AP1G1: variants seen among roughly 807,000 people sequenced by gnomAD.
AP1G1 encodes the protein adaptor related protein complex 1 subunit gamma 1, also known as AP-1 complex subunit gamma-1.
In AP1G1, 7 loss-of-function variants were observed where a neutral mutation model predicts 108.3. The ratio of observed to expected loss-of-function variants is 0.06; its 90% CI spans 0.04 to 0.12. AP1G1 has a LOEUF of 0.12. Among genes scored for constraint, AP1G1 ranks in the 10% least tolerant of loss-of-function variants. AP1G1 has a pLI of 1.00. For missense variants in AP1G1, 756 were observed against 1,010.7 expected, an observed-to-expected ratio of 0.75 and a Z score of 3.42; for synonymous variants, 379 against 353.5, an observed-to-expected ratio of 1.07 and a Z score of -0.81.
intron 2 of AP1G1, 52 bp from the exon 3 acceptor site, chr16:71,774,644 C>A (rs1346117977): frequency 6.5e-7 from 1 of 1,529,486 alleles, no homozygotes; most frequent in Non-Finnish European, 8.7e-7. Flanking sequence ...CTACCACAAT[C>A]TAGAAAAGCA....
chr16:71,777,106 CAAAAAAAAAAAA>C (rs57955419), intron 2 of AP1G1, among the ~76,000 whole-genome samples: 30 of 48,066 alleles, frequency 6.2e-4, no homozygotes, highest in East Asian at 3.4e-3. Flanking sequence ...CAAACTGTTA[CAAAAAAAAAAAA>C]AAAAAAAAAA....
chr16:71,780,201 C>T (rs1225614786), intron 2 of AP1G1, among the ~76,000 whole-genome samples: 1 of 151,892 alleles, frequency 6.6e-6, no homozygotes, highest in Non-Finnish European at 1.5e-5. Flanking sequence ...GCCATGTTGG[C>T]CAGGCTGGTC....
At chr16:71,766,568 A>C in intron 6 of AP1G1, 2 of 348,296 alleles carry the variant, frequency 5.7e-6, no homozygotes, top group South Asian at 4.5e-5. Context: ...AATTAAGTTA[A>C]ATAGTGTGCA....
intron 1 of AP1G1, among the ~76,000 whole-genome samples, chr16:71,807,315 C>A (rs1407448580): frequency 6.6e-6 from 1 of 152,174 alleles, no homozygotes; most frequent in African/African-American, 2.4e-5. Flanking sequence ...GCCTGTAGTC[C>A]CAGCTACTTG....
At chr16:71,775,066 G>T (rs1354649129) in intron 2 of AP1G1, among the ~76,000 whole-genome samples, 1 of 109,464 alleles carries the variant, frequency 9.1e-6, no homozygotes, top group African/African-American at 3.6e-5. Flanking sequence ...TGCTCTTGTC[G>T]CCCAGGCTAG....
At chr16:71,781,087 G>A (rs908936371) in intron 2 of AP1G1, among the ~76,000 whole-genome samples, 1 of 151,914 alleles carries the variant, frequency 6.6e-6, no homozygotes, top group African/African-American at 2.4e-5. Context: ...CAAAGTGCTG[G>A]GATTATAGGC....
At chr16:71,789,731 A>C (rs1252781949) in intron 1 of AP1G1, among the ~76,000 whole-genome samples, 1 of 152,248 alleles carries the variant, frequency 6.6e-6, no homozygotes, top group Non-Finnish European at 1.5e-5. Flanking sequence ...AATAAAACAA[A>C]GAATACACTA....
At position 71,748,272 on chromosome 16, in the gene AP1G1, G is replaced by C. The variant is rs2030289758; in HGVS notation, c.1604C>G (p.Thr535Ser). The C allele has an allele frequency of 6.2e-7, 1 of 1,613,900 alleles. No individual in the cohort carries two copies. Among genetic ancestry groups the C allele is most frequent in the African/African-American group, 1.3e-5 (1 of 74,900 alleles). Residue 535 changes from threonine to serine, a missense_variant, in exon 16 of 23, where the codon ACT (threonine) becomes AGT (serine). By Grantham distance (58) the Thr-to-Ser change is moderately conservative. Around this residue, in one of 3 missense-constraint regions of AP1G1, gnomAD observed 357 missense variants for 366.5 expected, o/e 0.97. Transcript: ENST00000299980. ...TCACTTTACAGTACAAGTGAATCGAGTGGAAAGCTTCATAATGGCAGTGAG... is the reference window on the plus strand; with the variant it reads ...TCACTTTACAGTACAAGTGAATCGACTGGAAAGCTTCATAATGGCAGTGAG... ...YALTAIMKLSTRFTCTVNRIK... is the reference protein window; with the variant it reads ...YALTAIMKLSSRFTCTVNRIK...
intron 2 of AP1G1, among the ~76,000 whole-genome samples, chr16:71,776,427 CA>C (rs1253493889): frequency 6.6e-6 from 1 of 152,142 alleles, no homozygotes; most frequent in African/African-American, 2.4e-5. Context: ...TAAATTTAAA[CA>C]GCAATTTCTG....
intron 1 of AP1G1, among the ~76,000 whole-genome samples, chr16:71,795,493 A>T (rs910468963): frequency 6.6e-6 from 1 of 152,184 alleles, no homozygotes; most frequent in Non-Finnish European, 1.5e-5. Flanking sequence ...AGTTAACATC[A>T]GGCAAAACCC....
At chr16:71,774,095 A>T (rs1270496434) in intron 3 of AP1G1, among the ~76,000 whole-genome samples, 1 of 147,516 alleles carries the variant, frequency 6.8e-6, no homozygotes. Flanking sequence ...AGAACAAAGT[A>T]GGCCAGGCAC....
At chr16:71,739,141 C>A (rs1219332121) in intron 20 of AP1G1, 39 bp from the exon 21 acceptor site, 1 of 1,612,146 alleles carries the variant, frequency 6.2e-7, no homozygotes, top group African/African-American at 1.3e-5. Flanking sequence ...TTGTAGTCAG[C>A]CTAATGCTTG....
chr16:71,745,312 T>C (rs2030115667), intron 18 of AP1G1, 42 bp from the exon 19 acceptor site: 1 of 1,611,254 alleles, frequency 6.2e-7, no homozygotes, highest in African/African-American at 1.3e-5. Flanking sequence ...TTATTTGATT[T>C]GTCTAGTATA....
At chr16:71,773,502 C>G (rs2031652017) in intron 3 of AP1G1, 140 bp from the exon 4 acceptor site, 1 of 854,428 alleles carries the variant, frequency 1.2e-6, no homozygotes, top group Admixed American at 3.7e-5. Context: ...AAATGTTTAT[C>G]CCAACTTTAT....
At chr16:71,801,867 A>C (rs2032812346) in intron 1 of AP1G1, among the ~76,000 whole-genome samples, 1 of 148,700 alleles carries the variant, frequency 6.7e-6, no homozygotes, top group South Asian at 2.1e-4. Context: ...GCTTGCAGTG[A>C]GCCGAGATTG....
At chr16:71,770,367 T>A (rs2031523100) in intron 5 of AP1G1, among the ~76,000 whole-genome samples, 1 of 152,212 alleles carries the variant, frequency 6.6e-6, no homozygotes, top group African/African-American at 2.4e-5. Flanking sequence ...TGACTTCAAA[T>A]AAAAATAAAA....
At chr16:71,738,881 GA>G (rs879076046) in intron 21 of AP1G1, 60 bp downstream of exon 21, 234 of 1,079,902 alleles carry the variant, frequency 2.2e-4, no homozygotes, top group Middle Eastern at 4.5e-4. Context: ...CCAAACACAT[GA>G]AAAAAAAAAG....
intron 11 of AP1G1, among the ~76,000 whole-genome samples, chr16:71,757,535 C>T (rs963020144): frequency 1.3e-5 from 2 of 152,018 alleles, no homozygotes; most frequent in African/African-American, 2.4e-5. Context: ...GATATAATAA[C>T]TTTTATAGGG....
chr16:71,808,062 A>G, intron 1 of AP1G1: 1 of 1,178,796 alleles, frequency 8.5e-7, no homozygotes, highest in South Asian at 1.6e-5. Flanking sequence ...CCTAACCGGG[A>G]AACACAATCA....
Sources: allele counts gnomAD v4.1 joint callset (sites outside exome capture counted in the v4.1 genomes callset), GRCh38; gene constraint gnomAD v4.1.1; regional missense constraint gnomAD v4.1.1; transcripts MANE v1.5; gene names NCBI Gene and HGNC (gene_info 2026-07-23, HGNC 2026-07-21).